LPO: variants seen among roughly 807,000 people sequenced by gnomAD.
LPO encodes the protein salivary peroxidase.
LPO carries 70 observed loss-of-function variants against 68.4 expected under a neutral mutation model. That is an observed-to-expected ratio of 1.02 (90% CI 0.84 to 1.25). The LOEUF is 1.25. LPO is among the 50% of genes most tolerant of loss of function. LPO has a pLI of 0.00. For missense variants in LPO, 873 were observed against 908.4 expected (o/e 0.96, Z 0.50); for synonymous variants, 360 against 357.6 (o/e 1.01, Z -0.08).
intron 1 of LPO, among the ~76,000 whole-genome samples, chr17:58,239,570 A>G (rs1969716836): frequency 6.6e-6 from 1 of 151,816 alleles, no homozygotes; most frequent in Non-Finnish European, 1.5e-5. Context: ...TGGCTTTCCT[A>G]TTGGCTCACT....
At chr17:58,255,958 C>T (rs927254994) in intron 9 of LPO, among the ~76,000 whole-genome samples, 5 of 152,086 alleles carry the variant, frequency 3.3e-5, no homozygotes, top group East Asian at 1.9e-4. Context: ...GACTCTTAAC[C>T]GTACTGTCCC....
intron 8 of LPO, 157 bp from the exon 9 acceptor site, chr17:58,254,654 C>A: frequency 1.6e-6 from 1 of 634,740 alleles, no homozygotes; most frequent in Non-Finnish European, 2.7e-6. Context: ...ATTCAGTACC[C>A]CCTCCCCATC....
At chr17:58,262,710 T>C (rs1402897752) in intron 9 of LPO, among the ~76,000 whole-genome samples, 2 of 152,190 alleles carry the variant, frequency 1.3e-5, no homozygotes, top group Admixed American at 6.5e-5. Flanking sequence ...ATTACTTGAA[T>C]TGGTGTTTCT....
Position 58,250,910 on chromosome 17 carries a change from T to C in LPO, c.780+289T>C. On this transcript the variant is annotated intron_variant, in intron 7 of 12. Coordinates refer to ENST00000262290, the MANE Select transcript of LPO (RefSeq NM_006151.3). ...GGGAATTGGACAAGTAAACTACTGATAGCAGAATGGGAACACTGGAGAAGG... is the reference window on the plus strand; with the variant it reads ...GGGAATTGGACAAGTAAACTACTGACAGCAGAATGGGAACACTGGAGAAGG... The C allele has an allele frequency of 4.7e-6, 2 of 422,598 alleles. 1 individual carries two copies. Among genetic ancestry groups the C allele is most frequent in the South Asian group, 5.2e-5 (2 of 38,392 alleles). 26.2% of individuals were successfully genotyped at this position (422,598 alleles called of 1,614,324 possible).
chr17:58,252,284 G>C lies in LPO; in HGVS notation c.883G>C (p.Glu295Gln). 6.2e-7 allele frequency: 1 copy of C among 1,614,192 alleles called. No homozygotes were observed. Among genetic ancestry groups the C allele is most frequent in the Non-Finnish European group, 8.5e-7 (1 of 1,180,030 alleles). ...PTPPYKSLAR[E>Q]QINALTSFLD... is the part of the protein sequence containing the mutation. ...TCCACCCTACAAGTCCCTGGCCCGA[G>C]AGCAGATCAACGCTCTGACCTCCTT... Residue 295 changes from glutamate to glutamine, a missense_variant, in exon 8 of 13, where the codon GAG (glutamate) becomes CAG (glutamine). By Grantham distance (29) the Glu-to-Gln change is conservative (BLOSUM62 2). Coordinates refer to ENST00000262290, the MANE Select transcript of LPO (RefSeq NM_006151.3).
intron 7 of LPO, 160 bp downstream of exon 7, chr17:58,250,781 A>G (rs1969946285): frequency 1.4e-6 from 1 of 717,826 alleles, no homozygotes; most frequent in African/African-American, 1.8e-5. Flanking sequence ...CCGTTTATTC[A>G]GTAAATAGAC....
At chr17:58,266,454 T>G (rs1259237693) in intron 11 of LPO, 128 bp downstream of exon 11, 3 of 1,130,680 alleles carry the variant, frequency 2.7e-6, no homozygotes, top group Non-Finnish European at 3.7e-6. Flanking sequence ...TCAGGCCAGT[T>G]TTTTTTGTTT....
chr17:58,262,518 T>C (rs942403500), intron 9 of LPO, among the ~76,000 whole-genome samples: 1 of 152,116 alleles, frequency 6.6e-6, no homozygotes, highest in Non-Finnish European at 1.5e-5. Flanking sequence ...GCCTCCCGAG[T>C]AGCTGGGATT....
In LPO at chr17:58,249,126, G is replaced by C. The variant is rs1199562568; in HGVS notation, c.392G>C (p.Arg131Thr). 1 of 1,614,224 alleles carries C rather than the reference G, an allele frequency of 6.2e-7. No individual in the cohort carries two copies. The highest frequency in any genetic ancestry group is 1.7e-5 in the Admixed American group (1 of 60,034). ...VGCGAPAPVV[R>T]CDPCSPYRTI... ...TGTGGTGCTCCTGCTCCCGTGGTGA[G>C]ATGCGACCCGTGCAGCCCTTACCGC... Residue 131 changes from arginine to threonine, a missense_variant, in exon 5 of 13, where the codon AGA becomes ACA. By Grantham distance (71) the Arg-to-Thr change is moderately conservative. Coordinates refer to ENST00000262290, the MANE Select transcript of LPO (RefSeq NM_006151.3).
rs746137209 is a variant in LPO at position 58,268,001 on chromosome 17, G to A, written c.*7G>A. On this transcript the variant is annotated 3_prime_UTR_variant, in exon 13 of 13. Coordinates refer to ENST00000262290, the MANE Select transcript of LPO (RefSeq NM_006151.3). ...GGCCTCAGTGAAGAATTAGGGGCCC[G>A]CGCTGCACAGGAAAGTTCCCTTTGG... 64 of 1,612,614 alleles carry A rather than the reference G, an allele frequency of 4.0e-5. No individual in the cohort carries two copies. The highest frequency in any genetic ancestry group is 1.1e-4 in the East Asian group (5 of 44,886).
At position 58,249,674 on chromosome 17, in the gene LPO, C is replaced by T. The variant is rs1171053330; in HGVS notation, c.552C>T (p.Arg184=). ...LPFGWTPGKT[R]NGFPLPLARE... ...TCGGCTGGACGCCGGGGAAGACGCGCAACGGCTTCCCTCTCCCGCTGGTGA... is the reference window on the plus strand; with the variant it reads ...TCGGCTGGACGCCGGGGAAGACGCGTAACGGCTTCCCTCTCCCGCTGGTGA... Residue 184 remains arginine (R), a synonymous_variant, in exon 6 of 13, where the codon CGC becomes CGT. Coordinates refer to ENST00000262290, the MANE Select transcript of LPO (RefSeq NM_006151.3). 3 of 1,577,558 alleles carry T rather than the reference C, an allele frequency of 1.9e-6. No homozygotes were observed. The highest frequency in any genetic ancestry group is 2.6e-6 in the Non-Finnish European group (3 of 1,168,584).
At chr17:58,243,608 C>T (rs757600376) in intron 2 of LPO, 14 of 281,190 alleles carry the variant, frequency 5.0e-5, no homozygotes, top group South Asian at 3.3e-4. Context: ...CCCTTCTGTA[C>T]GTCAGGGTCC....
At chr17:58,250,725 T>C in intron 7 of LPO, 104 bp downstream of exon 7, 1 of 1,225,168 alleles carries the variant, frequency 8.2e-7, no homozygotes, top group Non-Finnish European at 1.2e-6. Context: ...TCTGGGATAC[T>C]GATTTGGTAG....
At chr17:58,241,325 G>T (rs1394395085) in intron 1 of LPO, among the ~76,000 whole-genome samples, 1 of 151,764 alleles carries the variant, frequency 6.6e-6, no homozygotes, top group Non-Finnish European at 1.5e-5. Context: ...TGACCAGGCT[G>T]GTCTCCAACC....
At chr17:58,249,798 A>G (rs1051121112) in intron 6 of LPO, 103 bp downstream of exon 6, 12 of 1,413,534 alleles carry the variant, frequency 8.5e-6, no homozygotes, top group Non-Finnish European at 1.1e-5. Context: ...TGGGGGCAGC[A>G]GGGGTGCGCG....
intron 3 of LPO, among the ~76,000 whole-genome samples, chr17:58,247,196 GA>G (rs1430342330): frequency 6.6e-6 from 1 of 152,198 alleles, no homozygotes; most frequent in East Asian, 1.9e-4. Flanking sequence ...CTAGGATGAT[GA>G]AATGTTCTAT....
At chr17:58,257,428 A>G (rs1238433529) in intron 9 of LPO, among the ~76,000 whole-genome samples, 1 of 152,250 alleles carries the variant, frequency 6.6e-6, no homozygotes, top group African/African-American at 2.4e-5. Flanking sequence ...TTCACGTAAC[A>G]TAATGATTTC....
chr17:58,247,935 C>T lies in LPO; in HGVS notation c.325+297C>T, dbSNP rs8178321. On this transcript the variant is annotated intron_variant, in intron 4 of 12. Coordinates refer to ENST00000262290, the MANE Select transcript of LPO (RefSeq NM_006151.3). ...TAACACCGTCTGTAAGGCCTCTGCC[C>T]AAAGGAAGTGCTAAAGTCAATAAAC... Among the ~76,000 whole-genome samples the T allele has an allele frequency of 2.6e-5, 4 of 152,288 alleles. No individual in the cohort carries two copies. The South Asian group carries it at 8.3e-4, about 32-fold the overall frequency.
chr17:58,250,331 G>A (rs1969934264), intron 6 of LPO, 84 bp from the exon 7 acceptor site: 2 of 1,035,840 alleles, frequency 1.9e-6, no homozygotes, highest in Non-Finnish European at 3.0e-6. Context: ...TAACATGGTA[G>A]GTAGTTAATA....
Sources: allele counts gnomAD v4.1 joint callset (sites outside exome capture counted in the v4.1 genomes callset), GRCh38; gene constraint gnomAD v4.1.1; transcripts MANE v1.5; gene names NCBI Gene and HGNC (gene_info 2026-07-23, HGNC 2026-07-21).